The following ABI2 variants were observed in gnomAD, a reference collection of about 807,000 sequenced individuals.
ABI2 encodes the protein abelson interactor 2.
ABI2 carries 25 observed loss-of-function variants against 59.2 expected under a neutral mutation model. The observed-to-expected ratio is 0.42, with a 90% CI of 0.31 to 0.59. The LOEUF is 0.59. Ranked by LOEUF, ABI2 falls within the 20% of genes least tolerant of loss-of-function variation. ABI2 has a pLI of 0.14. For synonymous variants in ABI2, 213 were observed against 235.5 expected (o/e 0.90, Z 0.87); for missense variants, 545 against 681.8 (o/e 0.80, Z 2.23).
intron 1 of ABI2, among the ~76,000 whole-genome samples, chr2:203,345,231 ACTC>A (rs2082575033): frequency 6.6e-6 from 1 of 152,010 alleles, no homozygotes; most frequent in Admixed American, 6.5e-5. Flanking sequence ...GGAACAAATA[ACTC>A]CAGACACGCC....
intron 1 of ABI2, among the ~76,000 whole-genome samples, chr2:203,355,829 C>CAAAAAAAAAAA (rs771519788): frequency 1.5e-5 from 1 of 68,512 alleles, no homozygotes; most frequent in Non-Finnish European, 2.7e-5. Flanking sequence ...AAAACTGTCT[C>CAAAAAAAAAAA]AAAAAAAAAA....
At chr2:203,334,027 G>A (rs1489617898) in intron 1 of ABI2, among the ~76,000 whole-genome samples, 2 of 149,454 alleles carry the variant, frequency 1.3e-5, no homozygotes, top group Non-Finnish European at 3.0e-5. Flanking sequence ...TACAACCTCC[G>A]GCTCCTGGGT....
intron 11 of ABI2, among the ~76,000 whole-genome samples, chr2:203,420,265 T>C (rs1009014755): frequency 1.3e-5 from 2 of 152,208 alleles, no homozygotes; most frequent in African/African-American, 4.8e-5. Flanking sequence ...CCGTTTTGTA[T>C]CTCTTAACTT....
At chr2:203,408,018 A>G (rs2097503965) in intron 9 of ABI2, among the ~76,000 whole-genome samples, 1 of 152,222 alleles carries the variant, frequency 6.6e-6, no homozygotes, top group Non-Finnish European at 1.5e-5. Context: ...TCCTGGAGAA[A>G]AGTAGAATTT....
intron 8 of ABI2, among the ~76,000 whole-genome samples, chr2:203,401,316 C>T (rs2097210098): frequency 6.6e-6 from 1 of 152,006 alleles, no homozygotes; most frequent in Non-Finnish European, 1.5e-5. Flanking sequence ...CCTTCCTGTC[C>T]CCTTTCCGCT....
At chr2:203,397,625 G>A (rs1262115908) in intron 8 of ABI2, among the ~76,000 whole-genome samples, 2 of 152,188 alleles carry the variant, frequency 1.3e-5, no homozygotes, top group Non-Finnish European at 2.9e-5. Flanking sequence ...ATATATCACT[G>A]TATTAGTCTG....
At chr2:203,361,725 A>G (rs907314954) in intron 1 of ABI2, among the ~76,000 whole-genome samples, 4 of 152,238 alleles carry the variant, frequency 2.6e-5, no homozygotes, top group Non-Finnish European at 4.4e-5. Flanking sequence ...TGACTGTTCT[A>G]TGCAAATACA....
intron 9 of ABI2, among the ~76,000 whole-genome samples, chr2:203,406,219 A>G (rs1462243627): frequency 6.6e-6 from 1 of 152,206 alleles, no homozygotes; most frequent in Non-Finnish European, 1.5e-5. Flanking sequence ...ATATATCTAC[A>G]TGTGAGTATG....
At chr2:203,362,681 C>T (rs948847027) in intron 1 of ABI2, among the ~76,000 whole-genome samples, 14 of 151,822 alleles carry the variant, frequency 9.2e-5, no homozygotes, top group Non-Finnish European at 1.5e-4. Flanking sequence ...TGTGGGCCAC[C>T]GTGCCTGGCT....
At chr2:203,377,605 A>G (rs1157468102) in intron 2 of ABI2, among the ~76,000 whole-genome samples, 2 of 152,120 alleles carry the variant, frequency 1.3e-5, no homozygotes, top group Non-Finnish European at 2.9e-5. Flanking sequence ...ATTTAGAATG[A>G]CTCACTAAAC....
At chr2:203,402,873 T>C (rs2097277109) in intron 9 of ABI2, 139 bp downstream of exon 9, 2 of 596,924 alleles carry the variant, frequency 3.4e-6, no homozygotes, top group Non-Finnish European at 2.6e-6. Flanking sequence ...GAATGAATTG[T>C]AGGTTGTTAA....
chr2:203,412,399 G>C (rs926989961), intron 10 of ABI2, among the ~76,000 whole-genome samples: 2 of 152,176 alleles, frequency 1.3e-5, no homozygotes, highest in Non-Finnish European at 2.9e-5. Flanking sequence ...CATTCTTCTA[G>C]ATGTGGTTGT....
chr2:203,372,517 G>A (rs1478107233), intron 2 of ABI2, among the ~76,000 whole-genome samples: 1 of 151,458 alleles, frequency 6.6e-6, no homozygotes, highest in Non-Finnish European at 1.5e-5. Context: ...GGGCAGAGGC[G>A]CCCCTCATCT....
chr2:203,363,280 C>CATTT (rs2093799176), intron 1 of ABI2, among the ~76,000 whole-genome samples: 1 of 152,134 alleles, frequency 6.6e-6, no homozygotes, highest in Non-Finnish European at 1.5e-5. Flanking sequence ...TCACCTCAAA[C>CATTT]ATTTACCCTT....
chr2:203,423,625 A>G (rs2098313448), intron 11 of ABI2, among the ~76,000 whole-genome samples: 2 of 152,122 alleles, frequency 1.3e-5, no homozygotes, highest in South Asian at 2.1e-4. Context: ...GGGTTTCACC[A>G]TATTGGCCAG....
At chr2:203,410,772 A>G (rs1426715381) in intron 9 of ABI2, among the ~76,000 whole-genome samples, 1 of 152,180 alleles carries the variant, frequency 6.6e-6, no homozygotes, top group African/African-American at 2.4e-5. Flanking sequence ...CTTGCCTACA[A>G]TTAGAGTAAT....
chr2:203,381,447 T>G (rs1418827817), intron 3 of ABI2, among the ~76,000 whole-genome samples: 1 of 152,152 alleles, frequency 6.6e-6, no homozygotes, highest in Admixed American at 6.5e-5. Flanking sequence ...ATTTTTTGTT[T>G]GTAGTGACAG....
At chr2:203,417,963 AAGAG>A (rs796555880) in intron 11 of ABI2, among the ~76,000 whole-genome samples, 27 of 151,882 alleles carry the variant, frequency 1.8e-4, no homozygotes, top group African/African-American at 6.3e-4. Context: ...TATCTTTAAA[AAGAG>A]AGAGAGAGAG....
At chr2:203,404,090 T>G (rs899652736) in intron 9 of ABI2, among the ~76,000 whole-genome samples, 3 of 152,086 alleles carry the variant, frequency 2.0e-5, no homozygotes, top group Non-Finnish European at 4.4e-5. Flanking sequence ...ACCTACATAT[T>G]TAAAAAATTT....
Sources: allele counts gnomAD v4.1 joint callset (sites outside exome capture counted in the v4.1 genomes callset), GRCh38; gene constraint gnomAD v4.1.1; transcripts MANE v1.5; gene names NCBI Gene and HGNC (gene_info 2026-07-23, HGNC 2026-07-21).